Variants in GREB1L observed in about 807,000 individuals in gnomAD.
The protein encoded by GREB1L is GREB1-like protein.
Under a neutral mutation model 200.8 loss-of-function variants are expected in GREB1L, and 17 were observed. That is an observed-to-expected ratio of 0.08 (90% CI 0.06 to 0.13). GREB1L has a LOEUF of 0.13. Among genes scored for constraint, GREB1L ranks in the 10% least tolerant of loss-of-function variants. GREB1L has a pLI of 1.00. For synonymous variants in GREB1L, 789 were observed against 893.0 expected (o/e 0.88, Z 2.08); for missense variants, 1,657 against 2,367.7 (o/e 0.70, Z 6.23).
At chr18:21,412,950 T>C (rs1445373279) in intron 7 of GREB1L, among the ~76,000 whole-genome samples, 1 of 152,140 alleles carries the variant, frequency 6.6e-6, no homozygotes, top group African/African-American at 2.4e-5. Flanking sequence ...ATAATGTTTG[T>C]GTCTTCTGAG....
intron 7 of GREB1L, among the ~76,000 whole-genome samples, chr18:21,432,900 T>C (rs974915629): frequency 8.6e-5 from 13 of 151,854 alleles, no homozygotes; most frequent in African/African-American, 3.1e-4. Context: ...AGGGACGAGG[T>C]TTCCCCATGT....
intron 1 of GREB1L, among the ~76,000 whole-genome samples, chr18:21,253,799 C>G (rs1340138309): frequency 6.7e-6 from 1 of 149,058 alleles, no homozygotes; most frequent in African/African-American, 2.5e-5. Flanking sequence ...TAATATTTCC[C>G]AAATCTTTTG....
intron 7 of GREB1L, among the ~76,000 whole-genome samples, chr18:21,421,689 A>G (rs1598804261): frequency 6.6e-6 from 1 of 152,338 alleles, no homozygotes; most frequent in East Asian, 1.9e-4. Flanking sequence ...GTTCATTGCT[A>G]CTGTGAGGTT....
intron 2 of GREB1L, 41 bp downstream of exon 2, chr18:21,366,177 A>T (rs1441801722): frequency 1.3e-5 from 2 of 152,090 alleles, no homozygotes; most frequent in African/African-American, 4.8e-5. Context: ...ATTTTTCAAG[A>T]TCAAATTTGT....
chr18:21,267,216 G>A (rs1187266815), intron 1 of GREB1L, among the ~76,000 whole-genome samples: 4 of 126,430 alleles, frequency 3.2e-5, no homozygotes, highest in Admixed American at 8.3e-5. Flanking sequence ...TTTTTGAGAC[G>A]GAGCACCCAG....
At position 21,257,127 on chromosome 18, in the gene GREB1L, C is replaced by T. The variant is rs184306074; in HGVS notation, c.-120+14734C>T. On this transcript the variant is annotated intron_variant, in intron 1 of 32. Coordinates refer to ENST00000424526, the MANE Select transcript of GREB1L (RefSeq NM_001142966.3). ...AGTAGCAATTAGTTGCTACTATGCC[C>T]GGCTAATTTTTTGTATTTTTAGTAG... Among the ~76,000 whole-genome samples the T allele has an allele frequency of 4.4e-4, 67 of 151,998 alleles. 1 individual carries two copies. The highest frequency in any genetic ancestry group is 1.5e-3 in the African/African-American group (62 of 41,458).
intron 1 of GREB1L, among the ~76,000 whole-genome samples, chr18:21,334,656 C>T (rs2039157888): frequency 6.6e-6 from 1 of 152,098 alleles, no homozygotes; most frequent in Admixed American, 6.6e-5. Context: ...CGCCTGTACT[C>T]CCAGCTACTC....
Position 21,383,907 on chromosome 18 carries a change from G to T in GREB1L, c.157+232G>T, listed in dbSNP as rs557843083. On this transcript the variant is annotated intron_variant, in intron 3 of 32. Transcript: ENST00000424526. Reference sequence around the variant, plus strand: ...TTTTTTGTATTTTTATTAAAGACAGGATTTCACCATGTTGGTCAGGCTGGT... The same window carrying T: ...TTTTTTGTATTTTTATTAAAGACAGTATTTCACCATGTTGGTCAGGCTGGT... Among the ~76,000 whole-genome samples the T allele has an allele frequency of 3.3e-5, 5 of 152,022 alleles. No homozygotes were observed. The South Asian group carries it at 8.3e-4, about 25-fold the overall frequency.
Position 21,452,082 on chromosome 18 carries a change from G to C in GREB1L, c.1850-1G>C. 1 of 1,551,732 alleles carries C rather than the reference G, an allele frequency of 6.4e-7. No homozygotes were observed. The highest frequency in any genetic ancestry group is 8.7e-7 in the Non-Finnish European group (1 of 1,146,972). On this transcript the variant is annotated splice_acceptor_variant, in intron 13 of 32. Coordinates refer to ENST00000424526, the MANE Select transcript of GREB1L (RefSeq NM_001142966.3). LOFTEE classifies it high-confidence loss of function. ...ACCTTCTTATCTCTATTTTGTAATA[G>C]GCGATGACCTAGACAAGCTGCTGGA... is the stretch of plus-strand genomic sequence containing the variant.
chr18:21,474,025 C>G (rs189739346), intron 16 of GREB1L, among the ~76,000 whole-genome samples: 1 of 152,220 alleles, frequency 6.6e-6, no homozygotes. Flanking sequence ...CACTGGGTCC[C>G]TCCCACAACA....
At chr18:21,302,119 C>G (rs1048865850) in intron 1 of GREB1L, among the ~76,000 whole-genome samples, 11 of 152,162 alleles carry the variant, frequency 7.2e-5, no homozygotes, top group Non-Finnish European at 1.5e-4. Flanking sequence ...TTCTCCTCCT[C>G]CCCTCCCATG....
chr18:21,402,292 A>G (rs1436347199), intron 6 of GREB1L, among the ~76,000 whole-genome samples: 2 of 151,952 alleles, frequency 1.3e-5, no homozygotes, highest in Non-Finnish European at 1.5e-5. Context: ...CCTCCCTTTT[A>G]ATTCCCTTCT....
At chr18:21,415,426 G>A (rs1408098914) in intron 7 of GREB1L, among the ~76,000 whole-genome samples, 1 of 152,114 alleles carries the variant, frequency 6.6e-6, no homozygotes, top group Non-Finnish European at 1.5e-5. Context: ...TGAAGCAGTA[G>A]GAACGCTTGA....
At chr18:21,466,254 T>C (rs2035258682) in intron 15 of GREB1L, among the ~76,000 whole-genome samples, 2 of 152,178 alleles carry the variant, frequency 1.3e-5, no homozygotes, top group African/African-American at 4.8e-5. Context: ...ACAGTGCTGG[T>C]ACACATATAA....
At chr18:21,407,671 G>A (rs1292337933) in intron 7 of GREB1L, among the ~76,000 whole-genome samples, 1 of 151,910 alleles carries the variant, frequency 6.6e-6, no homozygotes. Context: ...ATAAGGATTT[G>A]TTTTTGGAAA....
chr18:21,259,085 A>G (rs1462885363), intron 1 of GREB1L, among the ~76,000 whole-genome samples: 1 of 152,210 alleles, frequency 6.6e-6, no homozygotes, highest in Non-Finnish European at 1.5e-5. Context: ...GGAGATTACC[A>G]GACATCTGTA....
chr18:21,270,543 G>A (rs951763246), intron 1 of GREB1L, among the ~76,000 whole-genome samples: 13 of 152,204 alleles, frequency 8.5e-5, no homozygotes, highest in African/African-American at 3.1e-4. Context: ...ATAGGGATAG[G>A]AGAGGGCACA....
At chr18:21,305,533 C>G (rs1418664660) in intron 1 of GREB1L, among the ~76,000 whole-genome samples, 2 of 152,134 alleles carry the variant, frequency 1.3e-5, no homozygotes, top group African/African-American at 4.8e-5. Context: ...CCAGCCTGTA[C>G]GCTTCTTCCC....
chr18:21,268,518 T>C (rs1406890882), intron 1 of GREB1L, among the ~76,000 whole-genome samples: 4 of 77,304 alleles, frequency 5.2e-5, no homozygotes, highest in Admixed American at 2.7e-4. Context: ...TATGTATATA[T>C]ATATACACAC....
Sources: allele counts gnomAD v4.1 joint callset (sites outside exome capture counted in the v4.1 genomes callset), GRCh38; gene constraint gnomAD v4.1.1; transcripts MANE v1.5; gene names NCBI Gene and HGNC (gene_info 2026-07-23, HGNC 2026-07-21).